METTL24: variants seen among roughly 807,000 people sequenced by gnomAD.
METTL24 encodes the protein methyltransferase like 24.
Under a neutral mutation model 32.7 loss-of-function variants are expected in METTL24, and 29 were observed. That is an observed-to-expected ratio of 0.89 (90% confidence interval 0.66 to 1.21). The LOEUF is 1.21. Among genes scored for constraint, METTL24 ranks in the 50% most tolerant of loss-of-function variants. METTL24 has a pLI of 0.00. For synonymous variants in METTL24, 163 were observed against 179.5 expected, an observed-to-expected ratio of 0.91 and a Z score of 0.73; for missense variants, 439 against 468.1, an observed-to-expected ratio of 0.94 and a Z score of 0.57.
intron 4 of METTL24, among the ~76,000 whole-genome samples, chr6:110,281,226 G>A (rs1475977364): frequency 6.6e-6 from 1 of 152,122 alleles, no homozygotes; most frequent in Non-Finnish European, 1.5e-5. Flanking sequence ...TAAATAAGAT[G>A]AGAAAGTTTA....
intron 4 of METTL24, among the ~76,000 whole-genome samples, chr6:110,287,111 A>G (rs1173042080): frequency 6.6e-6 from 1 of 152,218 alleles, no homozygotes; most frequent in African/African-American, 2.4e-5. Flanking sequence ...TTTCTACTCT[A>G]TTGCAGCTCC....
At chr6:110,342,103 A>C (rs185489912) in intron 1 of METTL24, among the ~76,000 whole-genome samples, 2 of 152,356 alleles carry the variant, frequency 1.3e-5, no homozygotes, top group East Asian at 3.9e-4. Context: ...TCCTGGCCAC[A>C]TCTTTTGACA....
chr6:110,274,639 C>T (rs1322165428), intron 4 of METTL24, among the ~76,000 whole-genome samples: 2 of 151,866 alleles, frequency 1.3e-5, no homozygotes, highest in Non-Finnish European at 2.9e-5. Context: ...TCACCCACTC[C>T]CCAAAAACTA....
intron 4 of METTL24, among the ~76,000 whole-genome samples, chr6:110,277,721 C>A (rs1771071413): frequency 1.3e-5 from 2 of 152,028 alleles, no homozygotes; most frequent in South Asian, 4.2e-4. Flanking sequence ...TTTTTTAAAT[C>A]CATAATCTCT....
chr6:110,318,658 A>G (rs1771872777), intron 2 of METTL24, among the ~76,000 whole-genome samples: 2 of 151,480 alleles, frequency 1.3e-5, no homozygotes, highest in Non-Finnish European at 1.5e-5. Context: ...CCTCAAAAAA[A>G]AAAAAAAAAA....
chr6:110,279,536 T>C (rs1238919122), intron 4 of METTL24, among the ~76,000 whole-genome samples: 1 of 152,322 alleles, frequency 6.6e-6, no homozygotes, highest in African/African-American at 2.4e-5. Context: ...ATAATCTATA[T>C]ATCCAACAAT....
chr6:110,332,702 G>C (rs960526770), intron 1 of METTL24: 10 of 152,810 alleles, frequency 6.5e-5, no homozygotes, highest in Admixed American at 5.2e-4. Context: ...AAGGCTAGGA[G>C]TTCAAGACCA....
intron 4 of METTL24, among the ~76,000 whole-genome samples, chr6:110,272,418 G>A (rs977099027): frequency 3.3e-5 from 5 of 152,122 alleles, no homozygotes; most frequent in South Asian, 2.1e-4. Context: ...CGTGAATTGC[G>A]CTGCCATAAA....
intron 3 of METTL24, among the ~76,000 whole-genome samples, chr6:110,314,471 C>A (rs1162593052): frequency 1.3e-5 from 2 of 152,126 alleles, no homozygotes; most frequent in African/African-American, 2.4e-5. Context: ...ATTTGTACAT[C>A]TAGGTCATTT....
chr6:110,252,308 T>C (rs1041733717), intron 4 of METTL24, among the ~76,000 whole-genome samples: 12 of 152,220 alleles, frequency 7.9e-5, no homozygotes, highest in African/African-American at 2.9e-4. Context: ...TCAGCAGGTT[T>C]GGTTTCTCCT....
chr6:110,264,114 G>C (rs1770808615), intron 4 of METTL24, among the ~76,000 whole-genome samples: 1 of 151,426 alleles, frequency 6.6e-6, no homozygotes, highest in Non-Finnish European at 1.5e-5. Context: ...AGCCAAAATT[G>C]ACAAATGGGA....
At chr6:110,255,146 A>G (rs1778358574) in intron 4 of METTL24, among the ~76,000 whole-genome samples, 1 of 152,202 alleles carries the variant, frequency 6.6e-6, no homozygotes, top group South Asian at 2.1e-4. Context: ...TGTAGGACCA[A>G]TTCTGAACTA....
chr6:110,357,828 AGAG>A (rs1772728586), intron 1 of METTL24, 124 bp downstream of exon 1: 2 of 316,220 alleles, frequency 6.3e-6, no homozygotes, highest in East Asian at 7.9e-5. Flanking sequence ...CACAGGGGGA[AGAG>A]AAGAAGCGGA....
intron 1 of METTL24, among the ~76,000 whole-genome samples, chr6:110,347,781 T>C (rs933155246): frequency 6.6e-6 from 1 of 152,062 alleles, no homozygotes; most frequent in African/African-American, 2.4e-5. Flanking sequence ...AAGATATTTG[T>C]AATTAGCTTT....
At chr6:110,295,794 A>AAAGGAAGGAAGG (rs71018387) in intron 4 of METTL24, among the ~76,000 whole-genome samples, 10,436 of 136,230 alleles carry the variant, frequency 0.077, 680 homozygotes, top group African/African-American at 0.15. Context: ...AGAAAGAAAG[A>AAAGGAAGGAAGG]AAGGAAGGAA....
At chr6:110,312,557 G>A (rs1285888622) in intron 3 of METTL24, among the ~76,000 whole-genome samples, 3 of 152,198 alleles carry the variant, frequency 2.0e-5, no homozygotes, top group Non-Finnish European at 4.4e-5. Context: ...CAACATGTTT[G>A]GAACTGGAGG....
intron 3 of METTL24, among the ~76,000 whole-genome samples, chr6:110,306,805 G>A (rs907890554): frequency 8.5e-5 from 13 of 152,160 alleles, no homozygotes; most frequent in Admixed American, 2.6e-4. Context: ...GGCCCAAAGC[G>A]GTAAACCAGG....
At chr6:110,284,293 T>C (rs926573959) in intron 4 of METTL24, among the ~76,000 whole-genome samples, 11 of 152,176 alleles carry the variant, frequency 7.2e-5, no homozygotes, top group African/African-American at 1.7e-4. Context: ...TGCACAACAA[T>C]GTGAATGTAC....
intron 4 of METTL24, among the ~76,000 whole-genome samples, chr6:110,271,661 AT>A (rs924237147): frequency 1.3e-5 from 2 of 152,080 alleles, no homozygotes; most frequent in Non-Finnish European, 2.9e-5. Context: ...TATAATCTAC[AT>A]TTTTTTCTAA....
Sources: allele counts gnomAD v4.1 joint callset (sites outside exome capture counted in the v4.1 genomes callset), GRCh38; gene constraint gnomAD v4.1.1; transcripts MANE v1.5; gene names NCBI Gene and HGNC (gene_info 2026-07-23, HGNC 2026-07-21).